HDAC2: variants seen among roughly 807,000 people sequenced by gnomAD.
HDAC2 encodes histone deacetylase 2, also known as YY1-associated factor 1.
A neutral mutation model predicts 68.5 loss-of-function variants in HDAC2; 5 were observed. That is an observed-to-expected ratio of 0.07 (90% confidence interval 0.04 to 0.15). The LOEUF (loss-of-function observed/expected upper bound fraction) is 0.15, where lower values mean the gene tolerates loss of function less well. Ranked by LOEUF, HDAC2 falls within the 10% of genes least tolerant of loss-of-function variation. HDAC2 has a pLI of 1.00. For missense variants in HDAC2, 291 were observed against 600.8 expected (o/e 0.48, Z 5.39); for synonymous variants, 182 against 191.3 (o/e 0.95, Z 0.40).
In HDAC2 at chr6:113,970,982, G is replaced by T; in HGVS notation, c.-74C>A. 1.3e-6 allele frequency: 2 copies of T among 1,569,740 alleles called. No individual in the cohort carries two copies. The highest frequency in any genetic ancestry group is 1.7e-4 in the Middle Eastern group (1 of 6,002). On this transcript the variant is annotated 5_prime_UTR_variant, in exon 1 of 14. Transcript: ENST00000519065. ...GCTGCTGCTGCTGCCGCCGCGGCTCGGCCGGGAGAGAAAAGGGCTGAGGGA... is the reference window on the plus strand; with the variant it reads ...GCTGCTGCTGCTGCCGCCGCGGCTCTGCCGGGAGAGAAAAGGGCTGAGGGA...
intron 6 of HDAC2, among the ~76,000 whole-genome samples, chr6:113,951,805 G>A (rs1271209470): frequency 6.6e-6 from 1 of 152,130 alleles, no homozygotes; most frequent in African/African-American, 2.4e-5. Flanking sequence ...AAGAGATGTT[G>A]AAAGCCATTC....
rs538134776 is a variant in HDAC2, at chr6:113,955,363, G to A, written c.497+650C>T. On this transcript the variant is annotated intron_variant, in intron 5 of 13. Coordinates refer to ENST00000519065, the MANE Select transcript of HDAC2 (RefSeq NM_001527.4). ...TGAGTAGCTGGGATTACAGGCGCAC[G>A]CCACCACGCCCGGCTAATTTTTCTA... Among the ~76,000 whole-genome samples the A allele has an allele frequency of 3.8e-3, 574 of 152,058 alleles. 2 individuals carry two copies. Among genetic ancestry groups the A allele is most frequent in the Non-Finnish European group, 6.1e-3 (416 of 67,986 alleles).
intron 9 of HDAC2, among the ~76,000 whole-genome samples, 185 bp downstream of exon 9, chr6:113,945,823 G>A (rs1357179569): frequency 2.6e-5 from 4 of 152,172 alleles, no homozygotes; most frequent in Admixed American, 2.6e-4. Flanking sequence ...TAACCTAACT[G>A]TTCTGAGCAC....
intron 1 of HDAC2, chr6:113,970,362 G>C (rs1219591734): frequency 1.5e-6 from 1 of 670,488 alleles, no homozygotes; most frequent in Non-Finnish European, 1.8e-6. Context: ...GGAAGGGGAC[G>C]GGAGGGGCGG....
chr6:113,946,226 A>C, intron 8 of HDAC2, 78 bp from the exon 9 acceptor site: 1 of 1,201,214 alleles, frequency 8.3e-7, no homozygotes, highest in South Asian at 1.6e-5. Context: ...AAAGATAATA[A>C]GTGCAAATGT....
Position 113,936,684 on chromosome 6 carries a change from T to C in HDAC2, c.*4374A>G, listed in dbSNP as rs991226514. 3.9e-5 allele frequency: 6 copies of C among 152,366 alleles called. No homozygotes were observed. The highest frequency in any genetic ancestry group is 2.1e-4 in the South Asian group (1 of 4,828). The allele number at this position is 152,366 out of a possible 1,614,324, so 9.4% of individuals were successfully genotyped here. On this transcript the variant is annotated 3_prime_UTR_variant, in exon 14 of 14. Coordinates refer to ENST00000519065, the MANE Select transcript of HDAC2 (RefSeq NM_001527.4). ...CCCTGGCACCACTCTCACCCATCTA[T>C]CTACCTTTACCTCATAACAATAGCA...
At position 113,946,123 on chromosome 6, in the gene HDAC2, T is replaced by A. The variant is rs77438668; in HGVS notation, c.867A>T (p.Val289=). 815 of 1,613,470 alleles carry A rather than the reference T, an allele frequency of 5.1e-4. 1 individual carries two copies. The highest frequency in any genetic ancestry group is 4.8e-3 in the African/African-American group (360 of 75,042). The change falls in exon 9 of 14, where the codon GTA becomes GTT. Residue 289 remains valine, a synonymous_variant. Transcript: ENST00000519065. ...TCAGTAATGGTAAGTTAAAAGTTTTTACAACTTCTACACATTTAGCATGAC... is the reference window on the plus strand; with the variant it reads ...TCAGTAATGGTAAGTTAAAAGTTTTAACAACTTCTACACATTTAGCATGAC... ...VKGHAKCVEV[V]KTFNLPLLML... is the part of the protein sequence containing the mutation.
In HDAC2 at chr6:113,941,705, T is replaced by G; in HGVS notation, c.1436+3A>C. 7.6e-7 allele frequency: 1 copy of G among 1,322,826 alleles called. No individual in the cohort carries two copies. The highest frequency in any genetic ancestry group is 1.1e-6 in the Non-Finnish European group (1 of 947,486). 81.9% of individuals were successfully genotyped at this position (1,322,826 alleles called of 1,614,324 possible). ...AAAGTACTTGATAAGGAACATCATTTACCCTTTGGTATCTGTTTTTTCACC... is the reference window on the plus strand; with the variant it reads ...AAAGTACTTGATAAGGAACATCATTGACCCTTTGGTATCTGTTTTTTCACC... On this transcript the variant is annotated splice_donor_region_variant and intron_variant, in intron 13 of 13. Transcript: ENST00000519065.
chr6:113,941,069 T>C lies in HDAC2; in HGVS notation c.1456A>G (p.Ser486Gly). 1 of 1,608,760 alleles carries C rather than the reference T, an allele frequency of 6.2e-7. No homozygotes were observed. The highest frequency in any genetic ancestry group is 8.5e-7 in the Non-Finnish European group (1 of 1,177,612). ...DTKGTKSEQL[S>G]NP The stretch of plus-strand genomic sequence containing the variant: ...TGAGACTGTCAAATTCAGGGGTTGC[T>C]GAGCTGTTCTGATTTGGTTCTGTTA... Residue 486 changes from serine to glycine, a missense_variant, in exon 14 of 14, where the codon AGC becomes GGC. By Grantham distance (56) the Ser-to-Gly change is moderately conservative. Around this residue, in one of 2 missense-constraint regions of HDAC2, gnomAD observed 137 missense variants for 128.7 expected, o/e 1.06. Transcript: ENST00000519065.
rs1314821601 is a variant in HDAC2 at position 113,941,758 on chromosome 6, C to T, written c.1386G>A (p.Lys462=). Residue 462 remains lysine (K), a synonymous_variant, in exon 13 of 14, where the codon AAG becomes AAA. Coordinates refer to ENST00000519065, the MANE Select transcript of HDAC2 (RefSeq NM_001527.4). ...TGTTGTCCTTGGATTTATCTTCTTCCTTAACGTCTAAAAATAAAGATTGGG... is the reference window on the plus strand; with the variant it reads ...TGTTGTCCTTGGATTTATCTTCTTCTTTAACGTCTAAAAATAAAGATTGGG... ...KETEDKKTDV[K]EEDKSKDNSG... is the part of the protein sequence containing the mutation. 2.9e-6 allele frequency: 4 copies of T among 1,367,014 alleles called. No homozygotes were observed. The highest frequency in any genetic ancestry group is 5.0e-5 in the East Asian group (2 of 39,678). 84.7% of individuals were successfully genotyped at this position (1,367,014 alleles called of 1,614,324 possible).
chr6:113,941,834 A>G, intron 12 of HDAC2, 69 bp from the exon 13 acceptor site: 1 of 454,984 alleles, frequency 2.2e-6, no homozygotes, highest in Admixed American at 4.3e-5. Context: ...ATTATTTCAA[A>G]ATATACTTTA....
Position 113,941,760 on chromosome 6 carries a change from TA to T in HDAC2, c.1383del (p.Lys462ArgfsTer44). On this transcript the variant is annotated frameshift_variant, in exon 13 of 14. Transcript: ENST00000519065. LOFTEE classifies it high-confidence loss of function. ...TTGTCCTTGGATTTATCTTCTTCCT[TA>T]ACGTCTAAAAATAAAGATTGGGAAA... ...KKETEDKKTD[V>X]KEEDKSKDNS... is the part of the protein sequence containing the mutation. The T allele has an allele frequency of 7.3e-7, 1 of 1,361,170 alleles. No homozygotes were observed. Among genetic ancestry groups the T allele is most frequent in the African/African-American group, 1.5e-5 (1 of 67,996 alleles). The allele number at this position is 1,361,170 out of a possible 1,614,324, so 84.3% of individuals were successfully genotyped here.
intron 2 of HDAC2, among the ~76,000 whole-genome samples, chr6:113,959,304 T>C (rs917525705): frequency 1.3e-4 from 20 of 152,094 alleles, no homozygotes; most frequent in African/African-American, 4.6e-4. Context: ...TGAAAATAAT[T>C]CACATATTCA....
At position 113,939,697 on chromosome 6, in the gene HDAC2, G is replaced by A. The variant is rs1438747066; in HGVS notation, c.*1361C>T. 1 of 152,014 alleles carries A rather than the reference G, an allele frequency of 6.6e-6. No homozygotes were observed. The highest frequency in any genetic ancestry group is 1.9e-4 in the East Asian group (1 of 5,164). 9.4% of individuals were successfully genotyped at this position (152,014 alleles called of 1,614,324 possible). On this transcript the variant is annotated 3_prime_UTR_variant, in exon 14 of 14. Coordinates refer to ENST00000519065, the MANE Select transcript of HDAC2 (RefSeq NM_001527.4). ...CTTCTTAAGGCTGGGAGGGAGGGAG[G>A]ATTACAAACGACAAAGTACACAAAG... is the stretch of plus-strand genomic sequence containing the variant.
intron 9 of HDAC2, 82 bp from the exon 10 acceptor site, chr6:113,945,552 G>T: frequency 1.3e-6 from 1 of 751,198 alleles, no homozygotes; most frequent in Non-Finnish European, 2.4e-6. Context: ...GATTTAGGTG[G>T]TGAAATATTT....
intron 12 of HDAC2, among the ~76,000 whole-genome samples, chr6:113,942,098 T>C (rs749904358): frequency 1.3e-5 from 2 of 151,960 alleles, no homozygotes; most frequent in Non-Finnish European, 2.9e-5. Context: ...AAGAGCCTCA[T>C]CACCAAATAG....
At position 113,937,294 on chromosome 6, in the gene HDAC2, CAGA is replaced by C. The variant is rs997213514; in HGVS notation, c.*3761_*3763del. ...ATTACTACATCAAAACCATAAAAAA[CAGA>C]AGATGTAGGTGACTAACTTCAATGT... On this transcript the variant is annotated 3_prime_UTR_variant, in exon 14 of 14. Coordinates refer to ENST00000519065, the MANE Select transcript of HDAC2 (RefSeq NM_001527.4). 5.9e-5 allele frequency: 9 copies of C among 152,114 alleles called. No individual in the cohort carries two copies. The highest frequency in any genetic ancestry group is 8.8e-5 in the Non-Finnish European group (6 of 68,020). The allele number at this position is 152,114 out of a possible 1,614,324, so 9.4% of individuals were successfully genotyped here. A position where few individuals can be genotyped will look rare whatever the true frequency, so the allele number is the denominator to read the frequency against.
Position 113,970,569 on chromosome 6 carries a change from C to T in HDAC2, c.52+288G>A, listed in dbSNP as rs575016180. 7 of 1,252,720 alleles carry T rather than the reference C, an allele frequency of 5.6e-6. No homozygotes were observed. In the East Asian group the frequency reaches 2.4e-4, roughly 44 times the overall value. The allele number at this position is 1,252,720 out of a possible 1,614,324, so 77.6% of individuals were successfully genotyped here. On this transcript the variant is annotated intron_variant, in intron 1 of 13. Coordinates refer to ENST00000519065, the MANE Select transcript of HDAC2 (RefSeq NM_001527.4). ...CCACCAAGGCGGGGTAGGCCGGCGC[C>T]GTCCCCAGCGGCGGCCACCTTCGAG... is the stretch of plus-strand genomic sequence containing the variant.
chr6:113,956,810 C>T, intron 3 of HDAC2, 117 bp from the exon 4 acceptor site: 1 of 694,738 alleles, frequency 1.4e-6, no homozygotes, highest in South Asian at 1.7e-5. Context: ...CAAACATACA[C>T]TTCACAGTAT....
Sources: allele counts gnomAD v4.1 joint callset (sites outside exome capture counted in the v4.1 genomes callset), GRCh38; gene constraint gnomAD v4.1.1; regional missense constraint gnomAD v4.1.1; transcripts MANE v1.5; gene names NCBI Gene and HGNC (gene_info 2026-07-23, HGNC 2026-07-21).